Variants in CNTNAP2 observed in about 807,000 individuals in gnomAD.
CNTNAP2 encodes contactin-associated protein-like 2.
In CNTNAP2, 98 loss-of-function variants were observed where a neutral mutation model predicts 155.2. The ratio of observed to expected loss-of-function variants is 0.63; its 90% CI spans 0.54 to 0.75. The LOEUF (loss-of-function observed/expected upper bound fraction) is 0.75, where lower values mean the gene tolerates loss of function less well. Among genes scored for constraint, CNTNAP2 ranks in the 30% least tolerant of loss-of-function variants. The pLI, the probability that CNTNAP2 is intolerant of heterozygous loss-of-function variation, is 0.00. For synonymous variants in CNTNAP2, 651 were observed against 631.2 expected, an observed-to-expected ratio of 1.03 and a Z score of -0.47; for missense variants, 1,727 against 1,688.1, an observed-to-expected ratio of 1.02 and a Z score of -0.40.
intron 13 of CNTNAP2, among the ~76,000 whole-genome samples, chr7:147,768,553 G>A (rs939980795): frequency 2.0e-5 from 3 of 152,080 alleles, no homozygotes; most frequent in African/African-American, 4.8e-5. Context: ...TCATTAAAAT[G>A]TGTATTTATT....
At chr7:148,251,901 T>G (rs1456421630) in intron 20 of CNTNAP2, among the ~76,000 whole-genome samples, 1 of 152,168 alleles carries the variant, frequency 6.6e-6, no homozygotes, top group Admixed American at 6.5e-5. Context: ...AGCCATGCTG[T>G]AGCCCCAGTT....
intron 1 of CNTNAP2, among the ~76,000 whole-genome samples, chr7:146,694,207 C>T (rs1477884993): frequency 6.6e-6 from 1 of 152,098 alleles, no homozygotes; most frequent in Non-Finnish European, 1.5e-5. Context: ...AAGAGAGCTG[C>T]TGTTGTAAAG....
At chr7:146,408,234 C>A (rs991358971) in intron 1 of CNTNAP2, among the ~76,000 whole-genome samples, 2 of 152,106 alleles carry the variant, frequency 1.3e-5, no homozygotes, top group African/African-American at 4.8e-5. Flanking sequence ...TAAAAATAAG[C>A]AATTCATTGC....
At chr7:147,973,097 T>C (rs879524614) in intron 14 of CNTNAP2, among the ~76,000 whole-genome samples, 5 of 147,068 alleles carry the variant, frequency 3.4e-5, no homozygotes, top group African/African-American at 5.1e-5. Flanking sequence ...GAGCCTACAG[T>C]GAGCTATGAT....
chr7:146,808,067 G>A (rs993698318), intron 2 of CNTNAP2, among the ~76,000 whole-genome samples: 1 of 152,146 alleles, frequency 6.6e-6, no homozygotes, highest in Non-Finnish European at 1.5e-5. Context: ...AGCCTACAAA[G>A]TTAGTTACTT....
intron 15 of CNTNAP2, among the ~76,000 whole-genome samples, chr7:148,088,547 G>A (rs949653488): frequency 6.6e-6 from 1 of 151,732 alleles, no homozygotes. Context: ...CAATTACACA[G>A]CACACATTGA....
chr7:147,438,942 C>CT (rs1797596244), intron 10 of CNTNAP2, among the ~76,000 whole-genome samples: 1 of 151,828 alleles, frequency 6.6e-6, no homozygotes, highest in African/African-American at 2.4e-5. Flanking sequence ...ATAATGTCTC[C>CT]TTTTTCATCC....
At chr7:147,472,134 A>C (rs1584754477) in intron 10 of CNTNAP2, among the ~76,000 whole-genome samples, 2 of 151,966 alleles carry the variant, frequency 1.3e-5, no homozygotes, top group African/African-American at 4.8e-5. Flanking sequence ...GTAGCAGATC[A>C]TGCAAAAACA....
chr7:147,251,460 A>G (rs2116659706), intron 8 of CNTNAP2, among the ~76,000 whole-genome samples: 1 of 152,258 alleles, frequency 6.6e-6, no homozygotes, highest in Non-Finnish European at 1.5e-5. Context: ...GTAGGTAGGT[A>G]GGTTATGTGT....
At chr7:148,296,985 C>G (rs151008657) in intron 21 of CNTNAP2, among the ~76,000 whole-genome samples, 6 of 152,106 alleles carry the variant, frequency 3.9e-5, no homozygotes, top group Admixed American at 3.9e-4. Flanking sequence ...CCCTAGAGAC[C>G]TTTTGTTTTA....
At chr7:147,574,334 G>A (rs1441821902) in intron 12 of CNTNAP2, among the ~76,000 whole-genome samples, 1 of 151,768 alleles carries the variant, frequency 6.6e-6, no homozygotes, top group Non-Finnish European at 1.5e-5. Flanking sequence ...ATTATTATTA[G>A]CTGTGTGTTT....
At chr7:148,162,028 T>G (rs1200409788) in intron 17 of CNTNAP2, among the ~76,000 whole-genome samples, 2 of 152,194 alleles carry the variant, frequency 1.3e-5, no homozygotes, top group African/African-American at 2.4e-5. Flanking sequence ...CAAAGGCTTG[T>G]ATGTGAAGTC....
intron 11 of CNTNAP2, among the ~76,000 whole-genome samples, chr7:147,514,718 G>A (rs1324581652): frequency 6.6e-6 from 1 of 151,948 alleles, no homozygotes; most frequent in Admixed American, 6.6e-5. Context: ...AAGAGAATGG[G>A]CCATCCTACC....
At chr7:148,151,718 C>T (rs1170959919) in intron 17 of CNTNAP2, among the ~76,000 whole-genome samples, 1 of 152,160 alleles carries the variant, frequency 6.6e-6, no homozygotes, top group African/African-American at 2.4e-5. Context: ...TTTCAATGGG[C>T]TCATTACTTC....
intron 12 of CNTNAP2, among the ~76,000 whole-genome samples, chr7:147,632,851 G>A (rs914890493): frequency 2.0e-5 from 3 of 152,192 alleles, no homozygotes; most frequent in Non-Finnish European, 4.4e-5. Context: ...TCTAGTCTGA[G>A]GTGGTCTCAT....
chr7:146,771,202 C>T (rs775454345), intron 1 of CNTNAP2, among the ~76,000 whole-genome samples: 5 of 151,962 alleles, frequency 3.3e-5, no homozygotes, highest in African/African-American at 1.2e-4. Context: ...TACATTTTTT[C>T]GTTGGCATGT....
At chr7:146,121,277 C>T (rs1584759030) in intron 1 of CNTNAP2, among the ~76,000 whole-genome samples, 2 of 151,720 alleles carry the variant, frequency 1.3e-5, no homozygotes, top group African/African-American at 4.8e-5. Flanking sequence ...TACAGGCGCC[C>T]ACCACCATGC....
chr7:146,419,058 G>A (rs917825272), intron 1 of CNTNAP2, among the ~76,000 whole-genome samples: 1 of 152,044 alleles, frequency 6.6e-6, no homozygotes, highest in Non-Finnish European at 1.5e-5. Context: ...ATTGGGGTAT[G>A]CCTTTATTTT....
chr7:146,721,035 A>ATATATTCTATATATATACTC lies in CNTNAP2; in HGVS notation c.98-53210_98-53191dup, dbSNP rs1269080442. On this transcript the variant is annotated intron_variant, in intron 1 of 23. Transcript: ENST00000361727. ...ATACTCTATATATTATATATACTCT[A>ATATATTCTATATATATACTC]TATATTCTATATATATACTCTATAT... Among the ~76,000 whole-genome samples, 9 of 133,566 alleles carry ATATATTCTATATATATACTC rather than the reference A, an allele frequency of 6.7e-5. No homozygotes were observed. The South Asian group carries it at 7.0e-4, about 10-fold the overall frequency. The allele number at this position is 133,566 out of a possible 152,430, so 87.6% of individuals were successfully genotyped here. A position where few individuals can be genotyped will look rare whatever the true frequency, so the allele number is the denominator to read the frequency against.
Sources: allele counts gnomAD v4.1 joint callset (sites outside exome capture counted in the v4.1 genomes callset), GRCh38; gene constraint gnomAD v4.1.1; transcripts MANE v1.5; gene names NCBI Gene and HGNC (gene_info 2026-07-23, HGNC 2026-07-21).